TAFA1: variants seen among roughly 807,000 people sequenced by gnomAD.
TAFA1 encodes the protein TAFA chemokine like family member 1.
Under a neutral mutation model 18.5 loss-of-function variants are expected in TAFA1, and 4 were observed. That is an observed-to-expected ratio of 0.22 (90% confidence interval 0.11 to 0.49). The LOEUF (loss-of-function observed/expected upper bound fraction) is 0.49. TAFA1 is among the 20% of genes least tolerant of loss of function. The probability of loss-of-function intolerance (pLI) is 0.98; values close to 1 mark genes in which losing one functional copy is unlikely to be tolerated. For missense variants in TAFA1, 147 were observed against 169.0 expected (o/e 0.87, Z 0.72); for synonymous variants, 56 against 55.2 (o/e 1.01, Z -0.06).
rs147326630 is a variant in TAFA1 at position 68,226,271 on chromosome 3, C to T, written c.119-191009C>T. On this transcript the variant is annotated intron_variant, in intron 2 of 4. Transcript: ENST00000478136. ...CACTCATGGGCAGGCTGATATGCTC[C>T]AAAGTGTCTGATATGCTTTCATGCC... Among the ~76,000 whole-genome samples the T allele has an allele frequency of 2.1e-3, 317 of 152,302 alleles. 1 individual carries two copies. Among genetic ancestry groups the T allele is most frequent in the Non-Finnish European group, 3.1e-3 (211 of 68,022 alleles).
chr3:68,079,919 A>C (rs1314851627), intron 2 of TAFA1, among the ~76,000 whole-genome samples: 2 of 151,906 alleles, frequency 1.3e-5, no homozygotes, highest in Non-Finnish European at 2.9e-5. Flanking sequence ...GGGGTGTTAA[A>C]GTCTCCCATT....
At chr3:68,440,452 A>G (rs535012954) in intron 3 of TAFA1, among the ~76,000 whole-genome samples, 7 of 152,334 alleles carry the variant, frequency 4.6e-5, no homozygotes, top group African/African-American at 1.7e-4. Context: ...TTATAGCACA[A>G]GTGTATACAT....
chr3:68,156,354 G>A (rs958827953), intron 2 of TAFA1, among the ~76,000 whole-genome samples: 1 of 152,162 alleles, frequency 6.6e-6, no homozygotes, highest in African/African-American at 2.4e-5. Flanking sequence ...TGTAAGCAAC[G>A]CTGCCTGGTA....
chr3:68,370,353 T>TATATATATATATATAC (rs776307736), intron 2 of TAFA1, among the ~76,000 whole-genome samples: 1 of 41,120 alleles, frequency 2.4e-5, no homozygotes, highest in Admixed American at 5.1e-4. Context: ...TATATATATA[T>TATATATATATATATAC]ACACACACAC....
intron 2 of TAFA1, among the ~76,000 whole-genome samples, chr3:68,297,481 C>T (rs1050957131): frequency 6.6e-6 from 1 of 152,194 alleles, no homozygotes. Context: ...CCTAGAGATT[C>T]TGACTCCACA....
At chr3:68,080,718 T>C (rs377469200) in intron 2 of TAFA1, among the ~76,000 whole-genome samples, 3 of 152,228 alleles carry the variant, frequency 2.0e-5, no homozygotes, top group East Asian at 1.9e-4. Context: ...GAGGGTAACC[T>C]GACCTTTCTC....
At chr3:68,407,962 A>C (rs997347320) in intron 2 of TAFA1, among the ~76,000 whole-genome samples, 1 of 152,190 alleles carries the variant, frequency 6.6e-6, no homozygotes, top group African/African-American at 2.4e-5. Flanking sequence ...ATTTACAGAC[A>C]AAGACACTCA....
At chr3:68,466,285 A>G (rs1045868858) in intron 3 of TAFA1, among the ~76,000 whole-genome samples, 32 of 152,170 alleles carry the variant, frequency 2.1e-4, no homozygotes, top group African/African-American at 7.5e-4. Context: ...TTTCCAGAGT[A>G]TCAACAAAAA....
At chr3:68,292,326 A>G (rs1279114664) in intron 2 of TAFA1, among the ~76,000 whole-genome samples, 4 of 149,112 alleles carry the variant, frequency 2.7e-5, no homozygotes, top group African/African-American at 7.4e-5. Context: ...ACGTACTCCC[A>G]TTGCTTGAGC....
At chr3:68,291,362 T>A (rs756827346) in intron 2 of TAFA1, among the ~76,000 whole-genome samples, 2 of 151,762 alleles carry the variant, frequency 1.3e-5, no homozygotes, top group Non-Finnish European at 2.9e-5. Flanking sequence ...TATTTACATA[T>A]TTTTTTTACA....
chr3:68,092,735 T>A (rs1404589191), intron 2 of TAFA1, among the ~76,000 whole-genome samples: 1 of 152,124 alleles, frequency 6.6e-6, no homozygotes, highest in African/African-American at 2.4e-5. Flanking sequence ...AAACTCCTAA[T>A]ATCTGGACAC....
At chr3:68,338,037 T>G (rs562616520) in intron 2 of TAFA1, among the ~76,000 whole-genome samples, 1 of 152,318 alleles carries the variant, frequency 6.6e-6, no homozygotes, top group Admixed American at 6.5e-5. Flanking sequence ...TGGGTTGGAG[T>G]TCGTTTAAAG....
chr3:68,467,012 T>C lies in TAFA1; in HGVS notation c.259+49592T>C, dbSNP rs544829807. Among the ~76,000 whole-genome samples the C allele has an allele frequency of 2.0e-5, 3 of 152,264 alleles. No individual in the cohort carries two copies. The East Asian group carries it at 5.8e-4, about 29-fold the overall frequency. On this transcript the variant is annotated intron_variant, in intron 3 of 4. Coordinates refer to ENST00000478136, the MANE Select transcript of TAFA1 (RefSeq NM_213609.4). ...ATTCTTTTCCCAGGGCTGTTAATTA[T>C]TAATATTCCTTACTGGGGAAAGAAT...
chr3:68,474,907 T>A (rs1242306601), intron 3 of TAFA1, among the ~76,000 whole-genome samples: 1 of 152,168 alleles, frequency 6.6e-6, no homozygotes, highest in Admixed American at 6.5e-5. Flanking sequence ...GGCTTTGTTT[T>A]TTTCAGAGTG....
rs113967635 is a variant in TAFA1, at chr3:68,287,114, A to T, written c.119-130166A>T. Among the ~76,000 whole-genome samples the T allele has an allele frequency of 2.6e-3, 393 of 152,168 alleles. 5 individuals carry two copies. Among genetic ancestry groups the T allele is most frequent in the African/African-American group, 8.3e-3 (344 of 41,522 alleles). On this transcript the variant is annotated intron_variant, in intron 2 of 4. Coordinates refer to ENST00000478136, the MANE Select transcript of TAFA1 (RefSeq NM_213609.4). The stretch of plus-strand genomic sequence containing the variant: ...TGGGGCTCTGCATGTCCAAGTGGAG[A>T]CCCTATTTGCCAAGTCTCGGCCCTC...
rs2068921020 is a variant in TAFA1 at position 68,333,684 on chromosome 3, C to G, written c.119-83596C>G. 1.3e-5 allele frequency among the ~76,000 whole-genome samples: 2 copies of G among 152,034 alleles called. 1 individual carries two copies. The highest frequency in any genetic ancestry group is 4.1e-4 in the South Asian group (2 of 4,826). ...ACAATCCCATTTGTGGTTGTATAACCAAAGGAAACGAAATCAGTGAGTGAA... is the reference window on the plus strand; with the variant it reads ...ACAATCCCATTTGTGGTTGTATAACGAAAGGAAACGAAATCAGTGAGTGAA... On this transcript the variant is annotated intron_variant, in intron 2 of 4. Coordinates refer to ENST00000478136, the MANE Select transcript of TAFA1 (RefSeq NM_213609.4).
chr3:68,147,204 T>C (rs1559537668), intron 2 of TAFA1, among the ~76,000 whole-genome samples: 1 of 151,992 alleles, frequency 6.6e-6, no homozygotes, highest in Non-Finnish European at 1.5e-5. Flanking sequence ...TCCTGAGCCA[T>C]ACCTCCTTAA....
intron 2 of TAFA1, among the ~76,000 whole-genome samples, chr3:68,260,313 T>C (rs1394593453): frequency 2.0e-5 from 3 of 152,172 alleles, no homozygotes; most frequent in African/African-American, 7.2e-5. Flanking sequence ...GGATGAGCTT[T>C]TTGATGTGCT....
chr3:68,467,977 C>G (rs1311299992), intron 3 of TAFA1, among the ~76,000 whole-genome samples: 2 of 152,138 alleles, frequency 1.3e-5, no homozygotes, highest in East Asian at 1.9e-4. Flanking sequence ...ATTTAATAGG[C>G]AGCCTCTGTC....
Sources: allele counts gnomAD v4.1 joint callset (sites outside exome capture counted in the v4.1 genomes callset), GRCh38; gene constraint gnomAD v4.1.1; transcripts MANE v1.5; gene names NCBI Gene and HGNC (gene_info 2026-07-23, HGNC 2026-07-21).